The following SHANK2 variants were observed in gnomAD, a reference collection of about 807,000 sequenced individuals.
SHANK2 encodes SH3 and multiple ankyrin repeat domains protein 2.
In SHANK2, 43 loss-of-function variants were observed where a neutral mutation model predicts 133.7. The ratio of observed to expected loss-of-function variants is 0.32; its 90% CI spans 0.25 to 0.41. The LOEUF (loss-of-function observed/expected upper bound fraction) is 0.41, where lower values mean the gene tolerates loss of function less well. Ranked by LOEUF, SHANK2 falls within the 10% of genes least tolerant of loss-of-function variation. The probability of loss-of-function intolerance (pLI) is 1.00; values close to 1 mark genes in which losing one functional copy is unlikely to be tolerated. For synonymous variants in SHANK2, 1,017 were observed against 952.8 expected, an observed-to-expected ratio of 1.07 and a Z score of -1.24; for missense variants, 1,994 against 2,235.8, an observed-to-expected ratio of 0.89 and a Z score of 2.18.
chr11:70,753,409 G>C (rs1348879701), intron 14 of SHANK2, among the ~76,000 whole-genome samples: 2 of 152,092 alleles, frequency 1.3e-5, no homozygotes, highest in Non-Finnish European at 2.9e-5. Flanking sequence ...TATTCGCCAA[G>C]ATAGACCACA....
At chr11:70,816,877 A>G (rs1026417068) in intron 12 of SHANK2, among the ~76,000 whole-genome samples, 4 of 152,218 alleles carry the variant, frequency 2.6e-5, no homozygotes, top group Admixed American at 2.6e-4. Flanking sequence ...TTTGCAGGAC[A>G]TTCAGACCAA....
rs1565312404 is a variant in SHANK2, at chr11:70,782,490, G to GCC, written c.1777+15952_1777+15953insGG. 9.8e-5 allele frequency among the ~76,000 whole-genome samples: 15 copies of GCC among 152,316 alleles called. No individual in the cohort carries two copies. In the East Asian group the frequency reaches 1.7e-3, roughly 18 times the overall value. Reference sequence around the variant, plus strand: ...AGTCGAGCTGCCCTGCTGTCTGTGGGAGGCACTGGGCCAGGCCCGCCTTCT... The same window carrying GCC: ...AGTCGAGCTGCCCTGCTGTCTGTGGGCCAGGCACTGGGCCAGGCCCGCCTTCT... On this transcript the variant is annotated intron_variant, in intron 14 of 25. Transcript: ENST00000601538.
intron 10 of SHANK2, among the ~76,000 whole-genome samples, chr11:70,939,736 G>A (rs1026006448): frequency 7.2e-5 from 11 of 152,040 alleles, no homozygotes; most frequent in Non-Finnish European, 8.8e-5. Flanking sequence ...AGCCCTCCCC[G>A]CTGCGTGGCT....
At chr11:70,878,818 G>C (rs1327545262) in intron 11 of SHANK2, among the ~76,000 whole-genome samples, 5 of 152,226 alleles carry the variant, frequency 3.3e-5, no homozygotes, top group African/African-American at 1.2e-4. Context: ...GCTTGTTCCA[G>C]GGTCATGAAT....
intron 17 of SHANK2, among the ~76,000 whole-genome samples, chr11:70,530,616 C>T (rs547194359): frequency 6.6e-5 from 10 of 152,158 alleles, no homozygotes; most frequent in East Asian, 3.9e-4. Context: ...TCATGCTCAG[C>T]GAAATAAGCC....
intron 14 of SHANK2, among the ~76,000 whole-genome samples, chr11:70,707,539 A>G (rs1461051931): frequency 6.6e-6 from 1 of 152,196 alleles, no homozygotes; most frequent in African/African-American, 2.4e-5. Flanking sequence ...AGGATACACA[A>G]CAGTCCATCT....
intron 17 of SHANK2, among the ~76,000 whole-genome samples, chr11:70,577,029 C>A (rs2060124266): frequency 6.6e-6 from 1 of 152,156 alleles, no homozygotes. Context: ...CCTGCACCTG[C>A]CACGGAGGCC....
At position 70,490,708 on chromosome 11, in the gene SHANK2, G is replaced by C. The variant is rs577248045; in HGVS notation, c.2440-321C>G. 5.9e-5 allele frequency among the ~76,000 whole-genome samples: 9 copies of C among 152,252 alleles called. No individual in the cohort carries two copies. In the East Asian group the frequency reaches 1.7e-3, roughly 29 times the overall value. Reference sequence around the variant, plus strand: ...GCTGGACAGATACGTCTCTCTGAGAGGGGGGCCAGGCTGGATGTCCTGTGG... The same window carrying C: ...GCTGGACAGATACGTCTCTCTGAGACGGGGGCCAGGCTGGATGTCCTGTGG... On this transcript the variant is annotated intron_variant, in intron 22 of 25. Transcript: ENST00000601538.
chr11:70,626,939 C>T (rs2060913042), intron 17 of SHANK2, among the ~76,000 whole-genome samples: 1 of 152,194 alleles, frequency 6.6e-6, no homozygotes, highest in African/African-American at 2.4e-5. Context: ...TTCCCAGGTC[C>T]TCCGTCAGCA....
At chr11:70,514,217 G>C (rs2059238948) in intron 17 of SHANK2, among the ~76,000 whole-genome samples, 1 of 152,172 alleles carries the variant, frequency 6.6e-6, no homozygotes, top group Non-Finnish European at 1.5e-5. Context: ...ACCTCTTGTA[G>C]AAGACGGCGG....
chr11:70,660,846 CT>C (rs1555013046), intron 16 of SHANK2, among the ~76,000 whole-genome samples: 4 of 152,236 alleles, frequency 2.6e-5, no homozygotes, highest in African/African-American at 9.6e-5. Context: ...TGCGGGACCC[CT>C]GGCACAGCGC....
At chr11:70,866,235 T>C (rs1329107187) in intron 11 of SHANK2, among the ~76,000 whole-genome samples, 1 of 151,842 alleles carries the variant, frequency 6.6e-6, no homozygotes, top group Non-Finnish European at 1.5e-5. Flanking sequence ...GTGGCTCCCC[T>C]GCCATCAGAA....
intron 8 of SHANK2, among the ~76,000 whole-genome samples, chr11:71,079,080 C>T (rs1440860845): frequency 2.0e-5 from 3 of 152,244 alleles, no homozygotes; most frequent in African/African-American, 7.2e-5. Context: ...TCGGTGTGAC[C>T]TCCACAATGA....
intron 15 of SHANK2, among the ~76,000 whole-genome samples, chr11:70,673,270 T>C (rs1944849219): frequency 6.6e-6 from 1 of 151,362 alleles, no homozygotes; most frequent in Non-Finnish European, 1.5e-5. Context: ...CCTCAGCCTT[T>C]GACTCTGAAC....
intron 17 of SHANK2, among the ~76,000 whole-genome samples, chr11:70,597,842 G>A (rs1003001878): frequency 2.6e-5 from 4 of 152,130 alleles, no homozygotes; most frequent in African/African-American, 2.4e-5. Flanking sequence ...CACTGCACTC[G>A]AGCCTGTGCG....
chr11:70,631,381 CA>C (rs1555002120), intron 17 of SHANK2: 21 of 146,060 alleles, frequency 1.4e-4, no homozygotes, highest in African/African-American at 4.7e-4. Context: ...GAGTTACACA[CA>C]CACACACACA....
At chr11:70,696,226 C>T (rs1389681929) in intron 15 of SHANK2, among the ~76,000 whole-genome samples, 1 of 152,168 alleles carries the variant, frequency 6.6e-6, no homozygotes, top group Non-Finnish European at 1.5e-5. Context: ...TGCAAGTCTT[C>T]TCTTGGCTGA....
rs151041307 is a variant in SHANK2 at position 70,594,307 on chromosome 11, T to C, written c.2061+65521A>G. ...TCGCGTTACGTGAGTCCACACACGG[T>C]TGCCCTTGGTGCACTCTGGAGATCG... On this transcript the variant is annotated intron_variant, in intron 17 of 25. Coordinates refer to ENST00000601538, the MANE Select transcript of SHANK2 (RefSeq NM_012309.5). Among the ~76,000 whole-genome samples, 337 of 152,272 alleles carry C rather than the reference T, an allele frequency of 2.2e-3. 1 individual carries two copies. The highest frequency in any genetic ancestry group is 7.8e-3 in the African/African-American group (324 of 41,556).
At chr11:70,636,361 ATG>A (rs1229513379) in intron 17 of SHANK2, among the ~76,000 whole-genome samples, 1 of 146,516 alleles carries the variant, frequency 6.8e-6, no homozygotes, top group Non-Finnish European at 1.5e-5. Flanking sequence ...ACATGTGCAT[ATG>A]TGTGTATGAA....
Sources: gnomAD v4.1 joint callset for allele counts (sites outside exome capture counted in the v4.1 genomes callset) on GRCh38, gnomAD v4.1.1 for gene constraint, MANE v1.5 for transcripts, NCBI Gene and HGNC (gene_info 2026-07-23, HGNC 2026-07-21) for gene names.